Variants in RARB observed in about 807,000 individuals in gnomAD.
RARB encodes HBV-activated protein.
A neutral mutation model predicts 51.9 loss-of-function variants in RARB; 17 were observed. The ratio of observed to expected loss-of-function variants is 0.33; its 90% CI spans 0.22 to 0.49. The LOEUF (loss-of-function observed/expected upper bound fraction) is 0.49, where lower values mean the gene tolerates loss of function less well. RARB is among the 20% of genes least tolerant of loss of function. The pLI is 0.99. For synonymous variants in RARB, 215 were observed against 195.4 expected (o/e 1.10, Z -0.84); for missense variants, 369 against 550.8 (o/e 0.67, Z 3.30).
chr3:25,191,476 C>T (rs145792291), intron 5 of RARB, among the ~76,000 whole-genome samples: 65 of 152,168 alleles, frequency 4.3e-4, no homozygotes, highest in Non-Finnish European at 7.8e-4. Flanking sequence ...TAGGGTGATG[C>T]CTTTGACCAG....
In RARB at chr3:25,324,547, C is replaced by T. The variant is rs141592803; in HGVS notation, c.179-136646C>T. The T allele has an allele frequency of 1.5e-4, 25 of 161,782 alleles. No individual in the cohort carries two copies. In the East Asian group the frequency reaches 2.5e-3, roughly 16 times the overall value. 10.0% of individuals were successfully genotyped at this position (161,782 alleles called of 1,614,324 possible). On this transcript the variant is annotated intron_variant, in intron 5 of 11. Transcript: ENST00000383772. ...AAGGACACTATCAAGAAGAAGCTGA[C>T]GGGGATCAAGCATGAATTACAAGCA...
intron 2 of RARB, among the ~76,000 whole-genome samples, chr3:24,893,876 T>G (rs990448670): frequency 6.6e-6 from 1 of 152,140 alleles, no homozygotes; most frequent in African/African-American, 2.4e-5. Flanking sequence ...GAGGAATGTT[T>G]GTAACACTTT....
At chr3:24,937,689 A>G (rs752583453) in intron 2 of RARB, among the ~76,000 whole-genome samples, 5 of 152,108 alleles carry the variant, frequency 3.3e-5, no homozygotes, top group African/African-American at 7.2e-5. Context: ...ACATTTATTC[A>G]GGCTATTGCT....
intron 5 of RARB, among the ~76,000 whole-genome samples, chr3:25,346,792 G>A (rs1705408048): frequency 6.6e-6 from 1 of 152,186 alleles, no homozygotes; most frequent in South Asian, 2.1e-4. Flanking sequence ...AGTTTTGAAA[G>A]CAGCTACTCA....
intron 2 of RARB, among the ~76,000 whole-genome samples, chr3:24,986,388 A>C (rs1696794867): frequency 6.6e-6 from 1 of 152,228 alleles, no homozygotes; most frequent in African/African-American, 2.4e-5. Flanking sequence ...ACATAGATTA[A>C]AGATCTGGAA....
intron 2 of RARB, among the ~76,000 whole-genome samples, chr3:24,897,913 A>C (rs1703513118): frequency 1.3e-5 from 2 of 152,318 alleles, no homozygotes; most frequent in South Asian, 2.1e-4. Context: ...AAACTTATTC[A>C]CTATGGAACC....
At chr3:24,849,526 T>G (rs993406296) in intron 1 of RARB, among the ~76,000 whole-genome samples, 2 of 152,276 alleles carry the variant, frequency 1.3e-5, no homozygotes, top group Non-Finnish European at 2.9e-5. Context: ...AATTAAGTGA[T>G]ATGTAACCTT....
intron 5 of RARB, among the ~76,000 whole-genome samples, chr3:25,298,150 ACT>A (rs1703960311): frequency 6.6e-6 from 1 of 150,952 alleles, no homozygotes; most frequent in Non-Finnish European, 1.5e-5. Context: ...CTATGTAAAC[ACT>A]CACGTAATTT....
At chr3:25,221,681 C>G (rs770203756) in intron 5 of RARB, among the ~76,000 whole-genome samples, 4 of 152,152 alleles carry the variant, frequency 2.6e-5, no homozygotes, top group Non-Finnish European at 5.9e-5. Context: ...CTCCTCTTCC[C>G]TCTCCCATCT....
chr3:25,270,617 A>G (rs322705), intron 5 of RARB, among the ~76,000 whole-genome samples: 85,739 of 152,118 alleles, frequency 0.56, 25,862 homozygotes, highest in East Asian at 0.69. Context: ...ATGGGGAGAG[A>G]ATAAGCCGTG....
chr3:24,973,523 G>A (rs1397617631), intron 2 of RARB, among the ~76,000 whole-genome samples: 1 of 151,950 alleles, frequency 6.6e-6, no homozygotes, highest in Non-Finnish European at 1.5e-5. Context: ...TTTTGTTAGG[G>A]ATTGCATTGA....
chr3:25,333,722 C>G lies in RARB; in HGVS notation c.179-127471C>G, dbSNP rs559109953. 7.5e-4 allele frequency among the ~76,000 whole-genome samples: 114 copies of G among 152,234 alleles called. No individual in the cohort carries two copies. The East Asian group carries it at 0.014, about 19-fold the overall frequency. On this transcript the variant is annotated intron_variant, in intron 5 of 11. Transcript: ENST00000383772. ...AGCTTCTGCACAGCAAAAGAAACTA[C>G]CATCAGAGTGAACAGGCAACCTACA...
intron 2 of RARB, among the ~76,000 whole-genome samples, chr3:24,909,827 AG>A (rs1314220373): frequency 6.6e-6 from 1 of 152,116 alleles, no homozygotes. Context: ...CTGATTGTGT[AG>A]GGCATAGAAT....
intron 5 of RARB, among the ~76,000 whole-genome samples, chr3:25,314,610 A>G (rs940239004): frequency 6.6e-6 from 1 of 152,246 alleles, no homozygotes; most frequent in Admixed American, 6.5e-5. Context: ...CAAGACATCA[A>G]CAAAAACCTT....
chr3:24,913,160 A>AT (rs1436279749), intron 2 of RARB, among the ~76,000 whole-genome samples: 1 of 150,882 alleles, frequency 6.6e-6, no homozygotes, highest in African/African-American at 2.4e-5. Flanking sequence ...TTGTTTTTGT[A>AT]TTTTTAGTAG....
At chr3:25,002,728 A>G (rs1697188745) in intron 2 of RARB, among the ~76,000 whole-genome samples, 1 of 136,182 alleles carries the variant, frequency 7.3e-6, no homozygotes, top group Non-Finnish European at 1.5e-5. Flanking sequence ...TGTGTCACAT[A>G]TGTATATAAA....
At chr3:25,272,314 T>C (rs755470276) in intron 5 of RARB, among the ~76,000 whole-genome samples, 4 of 152,216 alleles carry the variant, frequency 2.6e-5, no homozygotes, top group African/African-American at 4.8e-5. Flanking sequence ...AGATATGCCA[T>C]GATCTCCTTT....
At chr3:25,223,978 C>T (rs187971204) in intron 5 of RARB, among the ~76,000 whole-genome samples, 15 of 152,228 alleles carry the variant, frequency 9.9e-5, no homozygotes, top group African/African-American at 3.6e-4. Flanking sequence ...TATACATGCT[C>T]TTCAGTTCCA....
At chr3:25,193,432 A>C (rs1701151808) in intron 5 of RARB, among the ~76,000 whole-genome samples, 1 of 152,082 alleles carries the variant, frequency 6.6e-6, no homozygotes, top group Non-Finnish European at 1.5e-5. Context: ...AGTCCCTAAA[A>C]AGTTCAGAAA....
Sources: gnomAD v4.1 joint callset for allele counts (sites outside exome capture counted in the v4.1 genomes callset) on GRCh38, gnomAD v4.1.1 for gene constraint, MANE v1.5 for transcripts, NCBI Gene and HGNC (gene_info 2026-07-23, HGNC 2026-07-21) for gene names.